The following BNC2 variants were observed in gnomAD, a reference collection of about 807,000 sequenced individuals.
BNC2 encodes the protein zinc finger protein basonuclin-2.
BNC2 carries 20 observed loss-of-function variants against 76.3 expected under a neutral mutation model. The observed-to-expected ratio is 0.26, with a 90% CI of 0.18 to 0.38. BNC2 has a LOEUF of 0.38. BNC2 is among the 10% of genes least tolerant of loss of function. The pLI is 1.00. For synonymous variants in BNC2, 582 were observed against 514.8 expected (o/e 1.13, Z -1.77); for missense variants, 1,382 against 1,399.8 (o/e 0.99, Z 0.20).
chr9:16,870,497 C>A, intron 1 of BNC2, 149 bp downstream of exon 1: 1 of 795,502 alleles, frequency 1.3e-6, no homozygotes, highest in South Asian at 2.1e-5. Flanking sequence ...GTTCTGGTCC[C>A]CGGCCCGCCC....
chr9:16,483,973 A>G (rs1465485528), intron 5 of BNC2, among the ~76,000 whole-genome samples: 1 of 152,222 alleles, frequency 6.6e-6, no homozygotes, highest in Non-Finnish European at 1.5e-5. Flanking sequence ...GATAAAGGTA[A>G]TGGCAAAAGA....
chr9:16,582,525 G>C (rs1423734954), intron 4 of BNC2, among the ~76,000 whole-genome samples: 1 of 152,140 alleles, frequency 6.6e-6, no homozygotes, highest in Non-Finnish European at 1.5e-5. Flanking sequence ...GTCCACCTGA[G>C]ACCATACAAC....
chr9:16,720,311 A>C (rs1824116756), intron 3 of BNC2, among the ~76,000 whole-genome samples: 1 of 152,250 alleles, frequency 6.6e-6, no homozygotes, highest in African/African-American at 2.4e-5. Context: ...AGTGAAAGTA[A>C]GGAGGAATTC....
intron 3 of BNC2, among the ~76,000 whole-genome samples, chr9:16,710,089 G>T (rs527316731): frequency 6.6e-6 from 1 of 151,620 alleles, no homozygotes; most frequent in Non-Finnish European, 1.5e-5. Flanking sequence ...GAATGGAAAT[G>T]AGATGCTAAA....
At chr9:16,702,010 A>G (rs1379952207) in intron 3 of BNC2, among the ~76,000 whole-genome samples, 1 of 151,170 alleles carries the variant, frequency 6.6e-6, no homozygotes, top group Non-Finnish European at 1.5e-5. Flanking sequence ...ATTATTTTTT[A>G]TGAAAACATA....
At chr9:16,847,253 G>C (rs1052778471) in intron 1 of BNC2, among the ~76,000 whole-genome samples, 1 of 152,118 alleles carries the variant, frequency 6.6e-6, no homozygotes, top group African/African-American at 2.4e-5. Context: ...CTATATGACA[G>C]AGAACTTAAA....
intron 5 of BNC2, among the ~76,000 whole-genome samples, chr9:16,452,687 G>A (rs1409893692): frequency 6.6e-6 from 1 of 152,174 alleles, no homozygotes; most frequent in Admixed American, 6.5e-5. Context: ...TGGGATCACA[G>A]GTGTGAGCCA....
chr9:16,868,342 C>T (rs992067056), intron 1 of BNC2, among the ~76,000 whole-genome samples: 2 of 152,186 alleles, frequency 1.3e-5, no homozygotes, highest in African/African-American at 4.8e-5. Flanking sequence ...GTAACACTTA[C>T]ATTTTAATAT....
At chr9:16,509,472 G>C (rs1822704616) in intron 5 of BNC2, among the ~76,000 whole-genome samples, 1 of 152,146 alleles carries the variant, frequency 6.6e-6, no homozygotes, top group South Asian at 2.1e-4. Context: ...ATTGGTATCA[G>C]ACATACTGGG....
At chr9:16,717,817 A>C (rs1563913152) in intron 3 of BNC2, among the ~76,000 whole-genome samples, 1 of 152,234 alleles carries the variant, frequency 6.6e-6, no homozygotes, top group Admixed American at 6.5e-5. Context: ...GTTGTAAAAA[A>C]AATTTAAAAG....
chr9:16,767,230 T>C (rs965231710), intron 1 of BNC2, among the ~76,000 whole-genome samples: 1 of 152,160 alleles, frequency 6.6e-6, no homozygotes, highest in Non-Finnish European at 1.5e-5. Context: ...ATCTCAAGTA[T>C]TCATCAAGTG....
At chr9:16,668,746 G>C (rs997805710) in intron 3 of BNC2, among the ~76,000 whole-genome samples, 1 of 152,188 alleles carries the variant, frequency 6.6e-6, no homozygotes, top group Non-Finnish European at 1.5e-5. Flanking sequence ...GTTACCTAGG[G>C]TAAGTGTGTA....
chr9:16,524,469 C>T (rs1817729027), intron 5 of BNC2, among the ~76,000 whole-genome samples: 1 of 151,918 alleles, frequency 6.6e-6, no homozygotes, highest in African/African-American at 2.4e-5. Flanking sequence ...CCCAAATCTC[C>T]TTGATTCCTG....
intron 3 of BNC2, among the ~76,000 whole-genome samples, chr9:16,692,779 G>A (rs1823212765): frequency 6.6e-6 from 1 of 152,130 alleles, no homozygotes; most frequent in African/African-American, 2.4e-5. Flanking sequence ...CTAGAGTGAT[G>A]CTGTGTTTGG....
chr9:16,663,051 T>C (rs773787629), intron 3 of BNC2, among the ~76,000 whole-genome samples: 4 of 151,102 alleles, frequency 2.6e-5, no homozygotes, highest in Non-Finnish European at 5.9e-5. Flanking sequence ...GCCAAGTGAT[T>C]TCATCAATAA....
chr9:16,580,605 T>A (rs1819606057), intron 4 of BNC2, among the ~76,000 whole-genome samples: 1 of 152,166 alleles, frequency 6.6e-6, no homozygotes. Context: ...TTCCTTTACA[T>A]TACTAATGTA....
chr9:16,553,661 TA>T (rs1818733288), intron 4 of BNC2, among the ~76,000 whole-genome samples: 1 of 152,194 alleles, frequency 6.6e-6, no homozygotes, highest in Non-Finnish European at 1.5e-5. Context: ...ACACTTTTAA[TA>T]AAATGAAAAG....
At chr9:16,619,969 A>C (rs1167875455) in intron 3 of BNC2, among the ~76,000 whole-genome samples, 1 of 152,212 alleles carries the variant, frequency 6.6e-6, no homozygotes, top group Non-Finnish European at 1.5e-5. Flanking sequence ...TCACAGAAAA[A>C]TAAGTCCAGC....
At chr9:16,769,463 A>C (rs1825777826) in intron 1 of BNC2, among the ~76,000 whole-genome samples, 1 of 152,224 alleles carries the variant, frequency 6.6e-6, no homozygotes, top group Non-Finnish European at 1.5e-5. Context: ...TCACCTGGTT[A>C]ATAAGTGATG....
Sources: gnomAD v4.1 joint callset for allele counts (sites outside exome capture counted in the v4.1 genomes callset) on GRCh38, gnomAD v4.1.1 for gene constraint, MANE v1.5 for transcripts, NCBI Gene and HGNC (gene_info 2026-07-23, HGNC 2026-07-21) for gene names.